The following LONRF2 variants were observed in gnomAD, a reference collection of about 807,000 sequenced individuals.
LONRF2 encodes LON peptidase N-terminal domain and RING finger protein 2.
In LONRF2, 35 loss-of-function variants were observed where a neutral mutation model predicts 66.6. That is an observed-to-expected ratio of 0.53 (90% confidence interval 0.40 to 0.70). The LOEUF is 0.70. Ranked by LOEUF, LONRF2 falls within the 30% of genes least tolerant of loss-of-function variation. The pLI, the probability that LONRF2 is intolerant of heterozygous loss-of-function variation, is 0.00. For missense variants in LONRF2, 902 were observed against 1,002.1 expected (o/e 0.90, Z 1.35); for synonymous variants, 417 against 418.1 (o/e 1.00, Z 0.03).
rs1370793933 is a variant in LONRF2 at position 100,314,111 on chromosome 2, C to G, written c.680-4886G>C. On this transcript the variant is annotated intron_variant, in intron 1 of 11. Coordinates refer to ENST00000393437, the MANE Select transcript of LONRF2 (RefSeq NM_198461.4). Reference sequence around the variant, plus strand: ...GATGGACATAAGCATTCATTTTTATCTAGTATATACTCAAAAGTAGAAATG... The same window carrying G: ...GATGGACATAAGCATTCATTTTTATGTAGTATATACTCAAAAGTAGAAATG... Among the ~76,000 whole-genome samples, 3 of 151,854 alleles carry G rather than the reference C, an allele frequency of 2.0e-5. No homozygotes were observed. In the East Asian group the frequency reaches 5.8e-4, roughly 29 times the overall value.
intron 1 of LONRF2, among the ~76,000 whole-genome samples, chr2:100,312,100 T>C (rs897554272): frequency 6.6e-6 from 1 of 152,140 alleles, no homozygotes; most frequent in Non-Finnish European, 1.5e-5. Flanking sequence ...TGAAATAAGA[T>C]GGAAATTAGT....
intron 11 of LONRF2, among the ~76,000 whole-genome samples, 156 bp downstream of exon 11, chr2:100,286,758 A>ATTTG: frequency 6.6e-6 from 1 of 152,232 alleles, no homozygotes; most frequent in Non-Finnish European, 1.5e-5. Flanking sequence ...GTGCTACCAC[A>ATTTG]GTAGGTGCTC....
At chr2:100,303,156 C>T in intron 2 of LONRF2, 113 bp from the exon 3 acceptor site, 5 of 1,137,532 alleles carry the variant, frequency 4.4e-6, no homozygotes, top group Non-Finnish European at 6.1e-6. Context: ...TTTCACATTA[C>T]ATAGAATAAA....
intron 2 of LONRF2, among the ~76,000 whole-genome samples, chr2:100,308,080 G>A (rs1299646418): frequency 1.3e-5 from 2 of 152,124 alleles, no homozygotes; most frequent in Non-Finnish European, 2.9e-5. Flanking sequence ...TTTAAAAGAT[G>A]GGAGGGAGGC....
At chr2:100,287,242 T>G (rs192893135) in intron 10 of LONRF2, among the ~76,000 whole-genome samples, 179 bp from the exon 11 acceptor site, 7 of 152,348 alleles carry the variant, frequency 4.6e-5, no homozygotes, top group Non-Finnish European at 8.8e-5. Context: ...ATAGTTGAAA[T>G]CTATCAATTG....
rs1318031529 is a variant in LONRF2, at chr2:100,283,783, T to C, written c.*515A>G. The C allele has an allele frequency of 6.5e-6, 1 of 152,718 alleles. No homozygotes were observed. 9.5% of individuals were successfully genotyped at this position (152,718 alleles called of 1,614,324 possible). ...TTTGGGCTCCTGCACTGAACAATGG[T>C]GTGATTATTCGATTTCACAGACAAC... On this transcript the variant is annotated 3_prime_UTR_variant, in exon 12 of 12. Coordinates refer to ENST00000393437, the MANE Select transcript of LONRF2 (RefSeq NM_198461.4).
intron 1 of LONRF2, among the ~76,000 whole-genome samples, chr2:100,320,382 C>G (rs1044716767): frequency 1.3e-5 from 2 of 152,114 alleles, no homozygotes; most frequent in Admixed American, 1.3e-4. Flanking sequence ...GTGCTCTATT[C>G]CAGCAGAGAA....
At chr2:100,288,918 G>A (rs1386721827) in intron 10 of LONRF2, among the ~76,000 whole-genome samples, 1 of 152,212 alleles carries the variant, frequency 6.6e-6, no homozygotes, top group Non-Finnish European at 1.5e-5. Flanking sequence ...CTATAATGGA[G>A]TAAGACTGTT....
At chr2:100,310,808 C>G (rs901907231) in intron 1 of LONRF2, among the ~76,000 whole-genome samples, 2 of 152,158 alleles carry the variant, frequency 1.3e-5, no homozygotes, top group Non-Finnish European at 2.9e-5. Flanking sequence ...CATATAGATA[C>G]TTGCTTAACA....
At chr2:100,310,717 G>A (rs1467631561) in intron 1 of LONRF2, among the ~76,000 whole-genome samples, 1 of 152,194 alleles carries the variant, frequency 6.6e-6, no homozygotes, top group African/African-American at 2.4e-5. Context: ...GCTAGAGCAG[G>A]TGGCAGAAAC....
intron 2 of LONRF2, among the ~76,000 whole-genome samples, chr2:100,303,897 T>C (rs1675235258): frequency 6.6e-6 from 1 of 152,198 alleles, no homozygotes; most frequent in African/African-American, 2.4e-5. Flanking sequence ...TCTTTTTTTT[T>C]CTTGCCAAAC....
At chr2:100,302,006 T>C (rs766639215) in intron 3 of LONRF2, among the ~76,000 whole-genome samples, 15 of 152,062 alleles carry the variant, frequency 9.9e-5, no homozygotes, top group Non-Finnish European at 1.9e-4. Context: ...CAAGAGAAGA[T>C]AAAAAACAAC....
chr2:100,321,936 A>G lies in LONRF2; in HGVS notation c.158T>C (p.Leu53Pro), dbSNP rs1675642970. 4 of 1,406,952 alleles carry G rather than the reference A, an allele frequency of 2.8e-6. No homozygotes were observed. The highest frequency in any genetic ancestry group is 3.7e-6 in the Non-Finnish European group (4 of 1,077,684). The allele number at this position is 1,406,952 out of a possible 1,614,324, so 87.2% of individuals were successfully genotyped here. Residue 53 changes from leucine (L) to proline (P), a missense_variant, in exon 1 of 12, where the codon CTG (leucine) becomes CCG (proline). Physicochemically the swap from Leu to Pro is moderately conservative, Grantham distance 98 (BLOSUM62 -3). Coordinates refer to ENST00000393437, the MANE Select transcript of LONRF2 (RefSeq NM_198461.4). ...AELFRSMLAG[L>P]AQPDRGLCLR... The stretch of plus-strand genomic sequence containing the variant: ...GCACAGGCCGCGGTCCGGCTGCGCC[A>G]GCCCGGCTAGCATGGAGCGAAAGAG...
At chr2:100,313,233 G>A (rs558083011) in intron 1 of LONRF2, among the ~76,000 whole-genome samples, 1 of 152,296 alleles carries the variant, frequency 6.6e-6, no homozygotes, top group East Asian at 1.9e-4. Flanking sequence ...GGTGGCTCAC[G>A]CCTGTAATCC....
At chr2:100,303,075 T>A (rs781010081) in intron 2 of LONRF2, 32 bp from the exon 3 acceptor site, 15 of 1,548,350 alleles carry the variant, frequency 9.7e-6, no homozygotes, top group Non-Finnish European at 1.1e-5. Context: ...TGTACATTTT[T>A]AAAACCCAGC....
Position 100,273,828 on chromosome 2 carries a change from C to T in LONRF2, c.*10470G>A, listed in dbSNP as rs1185417236. ...ATTTCACAACTCTAAAATTAAGATG[C>T]TAATGACACCACTCTCCACTAGCAT... On this transcript the variant is annotated 3_prime_UTR_variant, in exon 12 of 12. Transcript: ENST00000393437. The T allele has an allele frequency of 6.6e-6, 1 of 152,168 alleles. No homozygotes were observed. The highest frequency in any genetic ancestry group is 1.5e-5 in the Non-Finnish European group (1 of 68,042). The allele number at this position is 152,168 out of a possible 1,614,324, so 9.4% of individuals were successfully genotyped here. A position where few individuals can be genotyped will look rare whatever the true frequency, so the allele number is the denominator to read the frequency against.
chr2:100,288,575 A>G (rs183026580), intron 10 of LONRF2, among the ~76,000 whole-genome samples: 3 of 152,330 alleles, frequency 2.0e-5, no homozygotes, highest in African/African-American at 7.2e-5. Context: ...ACCATCACCC[A>G]AAACCAGATA....
rs996050005 is a variant in LONRF2 at position 100,279,170 on chromosome 2, C to G, written c.*5128G>C. 6.6e-6 allele frequency: 1 copy of G among 152,050 alleles called. No individual in the cohort carries two copies. Among genetic ancestry groups the G allele is most frequent in the Non-Finnish European group, 1.5e-5 (1 of 68,032 alleles). 9.4% of individuals were successfully genotyped at this position (152,050 alleles called of 1,614,324 possible). On this transcript the variant is annotated 3_prime_UTR_variant, in exon 12 of 12. Transcript: ENST00000393437. ...TCCCTGTGGTGACACATGAACACCA[C>G]GAGTCTCTACTTATCCTTTACTGAA...
intron 1 of LONRF2, among the ~76,000 whole-genome samples, chr2:100,317,830 T>C (rs915140740): frequency 1.3e-5 from 2 of 152,200 alleles, no homozygotes; most frequent in African/African-American, 4.8e-5. Context: ...TCTTCTATGA[T>C]TCCTTCGAAG....
Sources: gnomAD v4.1 joint callset for allele counts (sites outside exome capture counted in the v4.1 genomes callset) on GRCh38, gnomAD v4.1.1 for gene constraint, MANE v1.5 for transcripts, NCBI Gene and HGNC (gene_info 2026-07-23, HGNC 2026-07-21) for gene names.